Variants in PTPRM observed in about 807,000 individuals in gnomAD.
PTPRM encodes the protein receptor-type tyrosine-protein phosphatase mu.
A neutral mutation model predicts 186.7 loss-of-function variants in PTPRM; 47 were observed. That is an observed-to-expected ratio of 0.25 (90% CI 0.20 to 0.32). The LOEUF is 0.32. Among genes scored for constraint, PTPRM ranks in the 10% least tolerant of loss-of-function variants. PTPRM has a pLI of 1.00. For missense variants in PTPRM, 1,494 were observed against 1,865.0 expected, an observed-to-expected ratio of 0.80 and a Z score of 3.66; for synonymous variants, 668 against 674.9, an observed-to-expected ratio of 0.99 and a Z score of 0.16.
intron 24 of PTPRM, among the ~76,000 whole-genome samples, chr18:8,375,457 A>C (rs1208120041): frequency 6.9e-6 from 1 of 144,696 alleles, no homozygotes; most frequent in African/African-American, 2.7e-5. Context: ...AGAGAAACCT[A>C]ACAAACAGAG....
At chr18:8,182,892 C>T (rs1371788306) in intron 14 of PTPRM, among the ~76,000 whole-genome samples, 1 of 152,164 alleles carries the variant, frequency 6.6e-6, no homozygotes, top group Admixed American at 6.5e-5. Context: ...TGTGAGTGTG[C>T]ACGGGTATGC....
chr18:7,908,703 G>A (rs1244052040), intron 4 of PTPRM, among the ~76,000 whole-genome samples: 1 of 152,138 alleles, frequency 6.6e-6, no homozygotes, highest in Non-Finnish European at 1.5e-5. Context: ...GCAAAACTGG[G>A]GAGTTCAAGA....
At chr18:7,673,905 G>C (rs189542121) in intron 1 of PTPRM, among the ~76,000 whole-genome samples, 2 of 152,298 alleles carry the variant, frequency 1.3e-5, no homozygotes, top group Admixed American at 1.3e-4. Flanking sequence ...AGTGCCAGGA[G>C]ACAGCACAGC....
chr18:7,741,883 G>T (rs893068264), intron 1 of PTPRM: 10 of 152,198 alleles, frequency 6.6e-5, no homozygotes, highest in African/African-American at 1.9e-4. Flanking sequence ...ATGGGAGGAA[G>T]TTTTCCTGCA....
Position 8,229,075 on chromosome 18 carries a change from G to A in PTPRM, c.2301-14983G>A, listed in dbSNP as rs142628660. Among the ~76,000 whole-genome samples the A allele has an allele frequency of 5.4e-3, 817 of 152,090 alleles. 7 individuals are homozygous for A. Among genetic ancestry groups the A allele is most frequent in the African/African-American group, 0.019 (769 of 41,466 alleles). On this transcript the variant is annotated intron_variant, in intron 14 of 32. Transcript: ENST00000580170. ...CAGTGTCCGTCTGTCTGTCTGTCAT[G>A]CCTCTCTCTTATGCACGATTATGTT...
chr18:7,652,936 G>T (rs553049471), intron 1 of PTPRM, among the ~76,000 whole-genome samples: 1 of 151,824 alleles, frequency 6.6e-6, no homozygotes, highest in Non-Finnish European at 1.5e-5. Flanking sequence ...AAGGGTTCAT[G>T]CCCCAAATAT....
At chr18:7,810,436 A>G (rs143432865) in intron 2 of PTPRM, among the ~76,000 whole-genome samples, 2 of 152,354 alleles carry the variant, frequency 1.3e-5, no homozygotes, top group Non-Finnish European at 1.5e-5. Context: ...CCTTAAGAAC[A>G]TTTATTATGA....
At chr18:7,859,759 A>G (rs16952588) in intron 2 of PTPRM, among the ~76,000 whole-genome samples, 18,243 of 152,138 alleles carry the variant, frequency 0.12, 1,347 homozygotes, top group South Asian at 0.23. Context: ...TTCTGCTCCC[A>G]TGGTGGACTG....
intron 13 of PTPRM, among the ~76,000 whole-genome samples, chr18:8,133,496 G>A (rs1161394918): frequency 6.6e-6 from 1 of 152,188 alleles, no homozygotes; most frequent in Non-Finnish European, 1.5e-5. Context: ...TTCTGTGCAA[G>A]AGGGGACAAG....
chr18:8,345,769 A>G (rs145150855), intron 23 of PTPRM, among the ~76,000 whole-genome samples: 43 of 152,204 alleles, frequency 2.8e-4, no homozygotes, highest in African/African-American at 9.6e-4. Flanking sequence ...TATAACCTCA[A>G]TATCAAAACC....
At chr18:7,994,744 G>A (rs2083446269) in intron 7 of PTPRM, among the ~76,000 whole-genome samples, 1 of 151,974 alleles carries the variant, frequency 6.6e-6, no homozygotes, top group African/African-American at 2.4e-5. Flanking sequence ...TAATGAAGAA[G>A]TGAAGAAGGA....
intron 23 of PTPRM, among the ~76,000 whole-genome samples, chr18:8,352,662 G>GTTTTTTTTTTT (rs71165783): frequency 1.1e-5 from 1 of 93,032 alleles, no homozygotes; most frequent in Non-Finnish European, 2.3e-5. Context: ...GGTTTTTTTT[G>GTTTTTTTTTTT]TTTGTTTGTT....
rs572863019 is a variant in PTPRM, at chr18:8,268,183, T to G, written c.2754+14769T>G. On this transcript the variant is annotated intron_variant, in intron 19 of 32. Transcript: ENST00000580170. ...ATAAATCTTGGGAGAATTGTCTTCT[T>G]GGCAGTATTGGCTGTTCCTATCCAT... 5.3e-5 allele frequency among the ~76,000 whole-genome samples: 8 copies of G among 152,186 alleles called. No homozygotes were observed. In the South Asian group the frequency reaches 1.7e-3, roughly 31 times the overall value.
At chr18:8,104,959 C>T (rs2091451974) in intron 11 of PTPRM, among the ~76,000 whole-genome samples, 1 of 151,964 alleles carries the variant, frequency 6.6e-6, no homozygotes, top group South Asian at 2.1e-4. Context: ...TTAATTGTTC[C>T]CTTTTTATTT....
At chr18:7,616,383 T>G (rs1191321013) in intron 1 of PTPRM, among the ~76,000 whole-genome samples, 1 of 152,164 alleles carries the variant, frequency 6.6e-6, no homozygotes, top group Non-Finnish European at 1.5e-5. Flanking sequence ...GGTCTTGAAC[T>G]TCTGGGCCCA....
intron 7 of PTPRM, among the ~76,000 whole-genome samples, chr18:8,042,279 G>A (rs190777039): frequency 3.5e-4 from 53 of 152,194 alleles, no homozygotes; most frequent in African/African-American, 1.3e-3. Flanking sequence ...AATAGCAGTT[G>A]GCTTTAGTTC....
chr18:8,218,602 G>T (rs1157022472), intron 14 of PTPRM, among the ~76,000 whole-genome samples: 2 of 152,196 alleles, frequency 1.3e-5, no homozygotes, highest in Non-Finnish European at 2.9e-5. Context: ...GGGACAAGGG[G>T]AGCCATGGGA....
At chr18:8,268,118 A>T (rs1173566088) in intron 19 of PTPRM, among the ~76,000 whole-genome samples, 1 of 151,888 alleles carries the variant, frequency 6.6e-6, no homozygotes, top group African/African-American at 2.4e-5. Context: ...GTTAGGAAAA[A>T]CTCTGTATAG....
chr18:8,163,300 T>TA (rs2093265402), intron 14 of PTPRM, among the ~76,000 whole-genome samples: 1 of 152,222 alleles, frequency 6.6e-6, no homozygotes, highest in South Asian at 2.1e-4. Flanking sequence ...ATTTTTTTTT[T>TA]AACCTGGAAC....
Sources: gnomAD v4.1 joint callset for allele counts (sites outside exome capture counted in the v4.1 genomes callset) on GRCh38, gnomAD v4.1.1 for gene constraint, MANE v1.5 for transcripts, NCBI Gene and HGNC (gene_info 2026-07-23, HGNC 2026-07-21) for gene names.